AGBL4: variants seen among roughly 807,000 people sequenced by gnomAD.
The protein encoded by AGBL4 is cytosolic carboxypeptidase 6.
Under a neutral mutation model 66.4 loss-of-function variants are expected in AGBL4, and 58 were observed. That is an observed-to-expected ratio of 0.87 (90% CI 0.71 to 1.09). AGBL4 has a LOEUF of 1.09. Ranked by LOEUF, AGBL4 falls within the 50% of genes least tolerant of loss-of-function variation. The pLI, the probability that AGBL4 is intolerant of heterozygous loss-of-function variation, is 0.00. For missense variants in AGBL4, 579 were observed against 631.0 expected (o/e 0.92, Z 0.88); for synonymous variants, 234 against 222.9 (o/e 1.05, Z -0.44).
chr1:49,183,343 A>T (rs1270877345), intron 4 of AGBL4, among the ~76,000 whole-genome samples: 1 of 152,128 alleles, frequency 6.6e-6, no homozygotes, highest in Non-Finnish European at 1.5e-5. Context: ...AATCTTTGAC[A>T]TGACTTTACT....
chr1:49,228,258 T>C (rs552395979), intron 4 of AGBL4, among the ~76,000 whole-genome samples: 20 of 152,348 alleles, frequency 1.3e-4, no homozygotes, highest in Admixed American at 2.6e-4. Flanking sequence ...TTAGGATACA[T>C]CAATACACAA....
At chr1:49,652,491 G>A (rs536675512) in intron 3 of AGBL4, among the ~76,000 whole-genome samples, 8 of 152,088 alleles carry the variant, frequency 5.3e-5, no homozygotes, top group Non-Finnish European at 4.4e-5. Context: ...GTGGCTGCTC[G>A]AGCAGGCACT....
chr1:49,627,528 G>A (rs766611435), intron 3 of AGBL4, among the ~76,000 whole-genome samples: 5 of 151,990 alleles, frequency 3.3e-5, no homozygotes, highest in African/African-American at 4.8e-5. Context: ...TCACCGCCTG[G>A]GAATCTATGT....
At chr1:48,900,974 A>T (rs1652025391) in intron 5 of AGBL4, among the ~76,000 whole-genome samples, 1 of 152,198 alleles carries the variant, frequency 6.6e-6, no homozygotes, top group African/African-American at 2.4e-5. Context: ...TATATCTGAT[A>T]AAGGGCTTGA....
intron 1 of AGBL4, among the ~76,000 whole-genome samples, chr1:49,882,673 G>T (rs920174182): frequency 3.5e-4 from 54 of 152,148 alleles, no homozygotes; most frequent in South Asian, 6.2e-4. Context: ...GTTCACTCAT[G>T]ATTTGGCTCT....
rs565995373 is a variant in AGBL4 at position 49,851,407 on chromosome 1, C to A, written c.146G>T (p.Cys49Phe). 2 of 1,548,156 alleles carry A rather than the reference C, an allele frequency of 1.3e-6. No homozygotes were observed. The highest frequency in any genetic ancestry group is 2.7e-5 in the African/African-American group (2 of 73,010). ...TTTAATATACTTACCACTTTCAAAG[C>A]AAGCATCAAAGATAAGATGTCCTTT... ...PKKGHLIFDACFESGNLGRVD... is the reference protein window; with the variant it reads ...PKKGHLIFDAFFESGNLGRVD... Residue 49 changes from cysteine (C) to phenylalanine (F), a missense_variant, in exon 2 of 14, where the codon TGC (cysteine) becomes TTC (phenylalanine). Cys to Phe is a radical substitution (Grantham distance 205, BLOSUM62 -2). Coordinates refer to ENST00000371839, the MANE Select transcript of AGBL4 (RefSeq NM_032785.4).
At chr1:49,757,178 A>G (rs1571498637) in intron 2 of AGBL4, among the ~76,000 whole-genome samples, 1 of 152,118 alleles carries the variant, frequency 6.6e-6, no homozygotes, top group South Asian at 2.1e-4. Context: ...CTCTCCTGCT[A>G]TCATGTGAAG....
At chr1:48,658,291 A>C (rs1293500950) in intron 7 of AGBL4, among the ~76,000 whole-genome samples, 1 of 152,152 alleles carries the variant, frequency 6.6e-6, no homozygotes, top group Non-Finnish European at 1.5e-5. Context: ...TGCCTGCATG[A>C]TTTTCTCTCT....
At chr1:48,872,840 C>T (rs1558055802) in intron 5 of AGBL4, among the ~76,000 whole-genome samples, 2 of 152,084 alleles carry the variant, frequency 1.3e-5, no homozygotes, top group South Asian at 4.1e-4. Context: ...TACGCCAACC[C>T]CCAGGGGCCT....
intron 6 of AGBL4, among the ~76,000 whole-genome samples, chr1:48,681,759 C>T (rs1249598776): frequency 2.6e-5 from 4 of 152,144 alleles, no homozygotes; most frequent in Non-Finnish European, 2.9e-5. Flanking sequence ...TTGAGGGATG[C>T]GTTACCTCAC....
At chr1:48,864,383 T>C (rs1288520737) in intron 6 of AGBL4, among the ~76,000 whole-genome samples, 9 of 152,192 alleles carry the variant, frequency 5.9e-5, no homozygotes. Flanking sequence ...TTGGTCATTA[T>C]GTAGTTAATT....
In AGBL4 at chr1:49,145,183, C is replaced by A. The variant is rs551201795; in HGVS notation, c.378-99383G>T. Among the ~76,000 whole-genome samples, 4 of 152,206 alleles carry A rather than the reference C, an allele frequency of 2.6e-5. No homozygotes were observed. The East Asian group carries it at 7.7e-4, about 29-fold the overall frequency. Reference sequence around the variant, plus strand: ...GATAAGATTTAAAATTTGAGACAAGCAACTTCTTATGGCTTTTTTTCCTTT... The same window carrying A: ...GATAAGATTTAAAATTTGAGACAAGAAACTTCTTATGGCTTTTTTTCCTTT... On this transcript the variant is annotated intron_variant, in intron 4 of 13. Coordinates refer to ENST00000371839, the MANE Select transcript of AGBL4 (RefSeq NM_032785.4).
At chr1:49,111,359 G>A (rs894390316) in intron 4 of AGBL4, among the ~76,000 whole-genome samples, 10 of 152,134 alleles carry the variant, frequency 6.6e-5, no homozygotes, top group Non-Finnish European at 1.3e-4. Context: ...TGATCCGCCC[G>A]CCTTGGCCTC....
At chr1:49,588,538 A>T (rs144588701) in intron 3 of AGBL4, among the ~76,000 whole-genome samples, 1 of 152,320 alleles carries the variant, frequency 6.6e-6, no homozygotes, top group Non-Finnish European at 1.5e-5. Context: ...ACATTCTGGA[A>T]GCAATACTTC....
At chr1:49,891,123 C>T (rs758134660) in intron 1 of AGBL4, among the ~76,000 whole-genome samples, 1 of 151,840 alleles carries the variant, frequency 6.6e-6, no homozygotes. Flanking sequence ...CAAAAAGCAT[C>T]AGAGGTAGAA....
chr1:48,912,485 G>C (rs1343379840), intron 5 of AGBL4, among the ~76,000 whole-genome samples: 1 of 152,196 alleles, frequency 6.6e-6, no homozygotes, highest in Non-Finnish European at 1.5e-5. Context: ...ATTGGGTTAT[G>C]TTGTCCAGAC....
the AGBL4 span, among the ~76,000 whole-genome samples, chr1:48,527,667 G>A: frequency 1.3e-5 from 2 of 151,818 alleles, no homozygotes; most frequent in African/African-American, 2.4e-5. Flanking sequence ...AGCAATTAAT[G>A]ACAACTGCTA....
At chr1:48,829,991 C>CT (rs1319498351) in intron 6 of AGBL4, among the ~76,000 whole-genome samples, 1 of 152,010 alleles carries the variant, frequency 6.6e-6, no homozygotes, top group Non-Finnish European at 1.5e-5. Context: ...ACCAGGAGGC[C>CT]TAGAGACTCA....
chr1:49,039,064 C>A (rs571571872), intron 5 of AGBL4, among the ~76,000 whole-genome samples: 1 of 152,112 alleles, frequency 6.6e-6, no homozygotes, highest in African/African-American at 2.4e-5. Context: ...AACTTAAGTG[C>A]ATGTCACGAA....
Sources: gnomAD v4.1 joint callset for allele counts (sites outside exome capture counted in the v4.1 genomes callset) on GRCh38, gnomAD v4.1.1 for gene constraint, MANE v1.5 for transcripts, NCBI Gene and HGNC (gene_info 2026-07-23, HGNC 2026-07-21) for gene names.